Variants in RPS6KA5 observed in about 807,000 individuals in gnomAD.
The protein encoded by RPS6KA5 is ribosomal protein S6 kinase A5.
In RPS6KA5, 27 loss-of-function variants were observed where a neutral mutation model predicts 85.5. The observed-to-expected ratio is 0.32, with a 90% CI of 0.23 to 0.44. The LOEUF is 0.44. Ranked by LOEUF, RPS6KA5 falls within the 20% of genes least tolerant of loss-of-function variation. RPS6KA5 has a pLI of 1.00. For synonymous variants in RPS6KA5, 334 were observed against 348.2 expected (o/e 0.96, Z 0.46); for missense variants, 811 against 980.9 (o/e 0.83, Z 2.31).
chr14:91,017,988 A>C (rs1407872303), intron 1 of RPS6KA5, among the ~76,000 whole-genome samples: 1 of 152,140 alleles, frequency 6.6e-6, no homozygotes, highest in Admixed American at 6.5e-5. Flanking sequence ...AATACAGGCA[A>C]TCTCCTTTGG....
At chr14:90,980,932 G>A (rs1310192011) in intron 2 of RPS6KA5, among the ~76,000 whole-genome samples, 2 of 152,226 alleles carry the variant, frequency 1.3e-5, no homozygotes, top group African/African-American at 4.8e-5. Context: ...AGCACTTTGG[G>A]AGGCTGAGGC....
intron 5 of RPS6KA5, among the ~76,000 whole-genome samples, chr14:90,937,422 T>A (rs2037320446): frequency 1.3e-5 from 2 of 152,178 alleles, no homozygotes; most frequent in Admixed American, 6.5e-5. Flanking sequence ...TTTTCCTTTT[T>A]ATTTATCAGT....
intron 1 of RPS6KA5, among the ~76,000 whole-genome samples, chr14:91,027,296 T>C (rs796599918): frequency 2.6e-5 from 4 of 152,346 alleles, no homozygotes; most frequent in African/African-American, 7.2e-5. Flanking sequence ...TGGTGAAAGG[T>C]AGGGGTCCAG....
intron 1 of RPS6KA5, among the ~76,000 whole-genome samples, chr14:91,028,738 T>C (rs1277515119): frequency 1.3e-5 from 2 of 150,456 alleles, no homozygotes; most frequent in South Asian, 2.1e-4. Context: ...CAGGATGGTC[T>C]CGATCTCCTG....
chr14:90,960,996 TA>T (rs1188989275), intron 3 of RPS6KA5, among the ~76,000 whole-genome samples: 7 of 152,200 alleles, frequency 4.6e-5, no homozygotes, highest in Non-Finnish European at 1.0e-4. Flanking sequence ...GGAAGTAGCG[TA>T]ATAACCAGAT....
chr14:90,913,333 A>G (rs1197983394), intron 7 of RPS6KA5, among the ~76,000 whole-genome samples: 1 of 152,078 alleles, frequency 6.6e-6, no homozygotes, highest in Non-Finnish European at 1.5e-5. Flanking sequence ...GAAGGAAAAA[A>G]CTTGTTTCTT....
At chr14:90,890,759 A>G in intron 13 of RPS6KA5, 81 bp from the exon 14 acceptor site, 1 of 1,275,910 alleles carries the variant, frequency 7.8e-7, no homozygotes, top group Non-Finnish European at 1.1e-6. Context: ...AACACTTTGT[A>G]TATTGATAGT....
At chr14:90,885,269 A>C (rs1247365307) in intron 14 of RPS6KA5, among the ~76,000 whole-genome samples, 1 of 148,590 alleles carries the variant, frequency 6.7e-6, no homozygotes. Flanking sequence ...AAAAAAAAAA[A>C]GTGCTGGGCA....
intron 1 of RPS6KA5, among the ~76,000 whole-genome samples, chr14:91,025,548 G>A (rs373493014): frequency 1.2e-3 from 177 of 152,152 alleles, no homozygotes; most frequent in Non-Finnish European, 1.4e-3. Flanking sequence ...ATTATTTTGC[G>A]GAGGAGGCAG....
chr14:91,001,880 G>A (rs531251828), intron 1 of RPS6KA5, among the ~76,000 whole-genome samples: 1 of 152,270 alleles, frequency 6.6e-6, no homozygotes, highest in South Asian at 2.1e-4. Context: ...GATGTGGGGA[G>A]CAGAGTGCTT....
chr14:90,941,281 GC>G (rs2037558315), intron 5 of RPS6KA5, among the ~76,000 whole-genome samples: 1 of 152,110 alleles, frequency 6.6e-6, no homozygotes, highest in African/African-American at 2.4e-5. Flanking sequence ...GGATTGCCAA[GC>G]CCCAGGCTTC....
intron 3 of RPS6KA5, among the ~76,000 whole-genome samples, chr14:90,972,856 C>T (rs888827083): frequency 3.3e-5 from 5 of 152,062 alleles, no homozygotes; most frequent in African/African-American, 1.2e-4. Flanking sequence ...TGATTAATTA[C>T]TTTATGAGCT....
At chr14:90,872,414 T>C in intron 16 of RPS6KA5, 92 bp from the exon 17 acceptor site, 1 of 1,442,590 alleles carries the variant, frequency 6.9e-7, no homozygotes. Flanking sequence ...AACTTTCCAT[T>C]GGCAACTGCA....
intron 2 of RPS6KA5, among the ~76,000 whole-genome samples, chr14:90,987,424 C>A (rs575117716): frequency 6.6e-6 from 1 of 151,906 alleles, no homozygotes; most frequent in Non-Finnish European, 1.5e-5. Flanking sequence ...CCTCTAGTAA[C>A]AAATTACCCA....
intron 1 of RPS6KA5, among the ~76,000 whole-genome samples, chr14:91,033,768 T>A (rs2042287367): frequency 6.6e-6 from 1 of 152,194 alleles, no homozygotes; most frequent in Non-Finnish European, 1.5e-5. Context: ...GTATTTAACT[T>A]GTAGGCATGT....
At position 90,899,329 on chromosome 14, in the gene RPS6KA5, C is replaced by A. The variant is rs374856978; in HGVS notation, c.1473G>T (p.Gln491His). The change falls in exon 12 of 17, where the codon CAG (glutamine) becomes CAT (histidine). Residue 491 changes from glutamine (Q) to histidine (H), a missense_variant and splice_region_variant. Coordinates refer to ENST00000614987, the MANE Select transcript of RPS6KA5 (RefSeq NM_004755.4). ...AAAAAAAAAAAAAAAAGTAGGATAC[C>A]TGATCATGAAAAACTTCATGCAACT... ...IVKLHEVFHD[Q>H]LHTFLVMELL... 3 of 1,573,478 alleles carry A rather than the reference C, an allele frequency of 1.9e-6. No homozygotes were observed. Among genetic ancestry groups the A allele is most frequent in the Non-Finnish European group, 2.6e-6 (3 of 1,150,078 alleles).
chr14:90,871,450 A>T lies in RPS6KA5; in HGVS notation c.*624T>A, dbSNP rs1236701591. On this transcript the variant is annotated 3_prime_UTR_variant, in exon 17 of 17. Transcript: ENST00000614987. ...ATAGCTTAGCATGCATCTCAGATGG[A>T]TCCCGAATACAGAGTATGGGACCTT... 2 of 152,066 alleles carry T rather than the reference A, an allele frequency of 1.3e-5. No homozygotes were observed. Among genetic ancestry groups the T allele is most frequent in the Non-Finnish European group, 2.9e-5 (2 of 67,946 alleles). 9.4% of individuals were successfully genotyped at this position (152,066 alleles called of 1,614,324 possible).
In RPS6KA5 at chr14:90,909,996, G is replaced by A. The variant is rs111809708; in HGVS notation, c.807-3697C>T. ...TCGCCATATTGGCCAGACTGGTCTCGAACTCCTGACCTCAGGTGATCTGCC... is the reference window on the plus strand; with the variant it reads ...TCGCCATATTGGCCAGACTGGTCTCAAACTCCTGACCTCAGGTGATCTGCC... On this transcript the variant is annotated intron_variant, in intron 7 of 16. Coordinates refer to ENST00000614987, the MANE Select transcript of RPS6KA5 (RefSeq NM_004755.4). Among the ~76,000 whole-genome samples the A allele has an allele frequency of 3.4e-3, 515 of 152,024 alleles. 1 individual carries two copies. The highest frequency in any genetic ancestry group is 0.011 in the African/African-American group (467 of 41,448).
chr14:90,893,419 T>C (rs575075588), intron 13 of RPS6KA5, among the ~76,000 whole-genome samples: 21 of 152,332 alleles, frequency 1.4e-4, no homozygotes, highest in African/African-American at 3.8e-4. Flanking sequence ...AAACCAAATA[T>C]ATTTTAATGC....
Sources: allele counts gnomAD v4.1 joint callset (sites outside exome capture counted in the v4.1 genomes callset), GRCh38; gene constraint gnomAD v4.1.1; transcripts MANE v1.5; gene names NCBI Gene and HGNC (gene_info 2026-07-23, HGNC 2026-07-21).